Variants in UPK3A observed in about 807,000 individuals in gnomAD.
The protein encoded by UPK3A is uroplakin-3a.
Under a neutral mutation model 27.6 loss-of-function variants are expected in UPK3A, and 32 were observed. The ratio of observed to expected loss-of-function variants is 1.16; its 90% CI spans 0.87 to 1.55. The LOEUF (loss-of-function observed/expected upper bound fraction) is 1.55, where lower values mean the gene tolerates loss of function less well. UPK3A is among the 40% of genes most tolerant of loss of function. The pLI is 0.00. For synonymous variants in UPK3A, 171 were observed against 163.9 expected, an observed-to-expected ratio of 1.04 and a Z score of -0.33; for missense variants, 370 against 367.9, an observed-to-expected ratio of 1.01 and a Z score of -0.05.
chr22:45,290,266 C>T (rs868128135), intron 4 of UPK3A, among the ~76,000 whole-genome samples: 51 of 152,280 alleles, frequency 3.3e-4, no homozygotes, highest in South Asian at 1.5e-3. Flanking sequence ...GACCTCCTCC[C>T]GCCACACCTT....
At chr22:45,293,975 G>A (rs1404974512) in intron 5 of UPK3A, among the ~76,000 whole-genome samples, 1 of 152,160 alleles carries the variant, frequency 6.6e-6, no homozygotes, top group Non-Finnish European at 1.5e-5. Context: ...TAGCAGGGCT[G>A]TGGGTGGGAA....
At chr22:45,286,500 G>T (rs550448467) in intron 2 of UPK3A, among the ~76,000 whole-genome samples, 18 of 152,222 alleles carry the variant, frequency 1.2e-4, no homozygotes, top group African/African-American at 3.6e-4. Context: ...TCGAAAGGTG[G>T]CTCAAGATTG....
intron 5 of UPK3A, among the ~76,000 whole-genome samples, chr22:45,295,189 C>T (rs1019069194): frequency 1.3e-5 from 2 of 151,986 alleles, no homozygotes; most frequent in Admixed American, 6.6e-5. Context: ...TTTAGGGCCA[C>T]GTGAGCTGCC....
In UPK3A at chr22:45,284,951, G is replaced by A. The variant is rs1601845870; in HGVS notation, c.-63G>A. The A allele has an allele frequency of 1.4e-6, 2 of 1,465,308 alleles. No homozygotes were observed. Among genetic ancestry groups the A allele is most frequent in the South Asian group, 1.2e-5 (1 of 81,436 alleles). The allele number at this position is 1,465,308 out of a possible 1,614,324, so 90.8% of individuals were successfully genotyped here. The stretch of plus-strand genomic sequence containing the variant: ...CTGGCAGGTGCCCTGGCAGGGACAG[G>A]TCTGGTGCCCGCGCCTGCTCGCTGG... On this transcript the variant is annotated 5_prime_UTR_variant, in exon 1 of 6. Coordinates refer to ENST00000216211, the MANE Select transcript of UPK3A (RefSeq NM_006953.4).
intron 3 of UPK3A, among the ~76,000 whole-genome samples, chr22:45,287,845 G>A (rs908836173): frequency 6.6e-6 from 1 of 151,880 alleles, no homozygotes; most frequent in African/African-American, 2.4e-5. Context: ...TGTGTTTTTA[G>A]TACAGATGGG....
chr22:45,287,425 A>G lies in UPK3A; in HGVS notation c.462A>G (p.Ala154=), dbSNP rs559806046. 1 of 1,601,182 alleles carries G rather than the reference A, an allele frequency of 6.2e-7. No individual in the cohort carries two copies. Residue 154 remains alanine, a synonymous_variant, in exon 3 of 6, where the codon GCA becomes GCG. Transcript: ENST00000216211. ...WDPNFQGLCN[A]PLSAATEYRF... is the part of the protein sequence containing the mutation. ...CCAACTTCCAGGGCCTCTGTAACGC[A>G]CCCCTGTCGGCAGCCACGGAGTACA... is the stretch of plus-strand genomic sequence containing the variant.
chr22:45,288,952 C>T, intron 3 of UPK3A, 109 bp from the exon 4 acceptor site: 1 of 1,003,766 alleles, frequency 1.0e-6, no homozygotes, highest in Non-Finnish European at 1.5e-6. Context: ...CCTGGAAGGG[C>T]CCCCGCTGCC....
intron 1 of UPK3A, 70 bp from the exon 2 acceptor site, chr22:45,285,871 G>A (rs1182371766): frequency 1.9e-6 from 3 of 1,607,222 alleles, no homozygotes; most frequent in Non-Finnish European, 2.5e-6. Context: ...CACGTGCTCA[G>A]TAACTGCAAG....
chr22:45,292,532 C>T (rs2084168914), intron 4 of UPK3A, among the ~76,000 whole-genome samples: 1 of 152,192 alleles, frequency 6.6e-6, no homozygotes, highest in African/African-American at 2.4e-5. Context: ...GACCAGGGCC[C>T]TTTGCCTCAT....
Position 45,295,545 on chromosome 22 carries a change from C to T in UPK3A, c.705-15C>T. The T allele has an allele frequency of 6.2e-7, 1 of 1,614,048 alleles. No individual in the cohort carries two copies. Among genetic ancestry groups the T allele is most frequent in the African/African-American group, 1.3e-5 (1 of 75,020 alleles). Reference sequence around the variant, plus strand: ...CTGGTCCCCTAATCCTGGGTCTTTCCATCCCCTTGGACAGGGACATGGGGA... The same window carrying T: ...CTGGTCCCCTAATCCTGGGTCTTTCTATCCCCTTGGACAGGGACATGGGGA... On this transcript the variant is annotated splice_polypyrimidine_tract_variant and intron_variant, in intron 5 of 5. Transcript: ENST00000216211.
intron 5 of UPK3A, among the ~76,000 whole-genome samples, 153 bp from the exon 6 acceptor site, chr22:45,295,407 G>A (rs1216321405): frequency 6.6e-6 from 1 of 152,050 alleles, no homozygotes; most frequent in Non-Finnish European, 1.5e-5. Flanking sequence ...CTGGCACAGG[G>A]TCAGTGCTCC....
At position 45,295,781 on chromosome 22, in the gene UPK3A, G is replaced by A. The variant is rs565692582; in HGVS notation, c.*62G>A. 1.8e-5 allele frequency: 28 copies of A among 1,598,754 alleles called. No homozygotes were observed. Among genetic ancestry groups the A allele is most frequent in the Admixed American group, 1.0e-4 (6 of 59,642 alleles). ...CTGGCCTTGCCCCAGGCCCTGCAGC[G>A]GTGGTTGTCACACCCTGACTTCAGG... On this transcript the variant is annotated 3_prime_UTR_variant, in exon 6 of 6. Transcript: ENST00000216211.
chr22:45,285,898 A>C (rs1013509203), intron 1 of UPK3A, 43 bp from the exon 2 acceptor site: 28 of 1,612,408 alleles, frequency 1.7e-5, no homozygotes, highest in Middle Eastern at 2.0e-4. Context: ...GGGTGTGGAC[A>C]GTTCTGCCGG....
Position 45,285,954 on chromosome 22 carries a change from G to A in UPK3A, c.66G>A (p.Gln22=), listed in dbSNP as rs1221684055. The part of the protein sequence containing the change: ...CLRFGSAVNL[Q]PQLASVTFAT... ...TGCCTCCTCCAGCTGTGAACCTGCA[G>A]CCCCAACTGGCCAGTGTGACTTTCG... The change falls in exon 2 of 6, where the codon CAG becomes CAA. Residue 22 remains glutamine (Q), a synonymous_variant. Coordinates refer to ENST00000216211, the MANE Select transcript of UPK3A (RefSeq NM_006953.4). The A allele has an allele frequency of 1.2e-6, 2 of 1,613,942 alleles. No individual in the cohort carries two copies. The highest frequency in any genetic ancestry group is 4.5e-5 in the East Asian group (2 of 44,890).
chr22:45,295,296 T>C (rs971127006), intron 5 of UPK3A, among the ~76,000 whole-genome samples: 17 of 152,120 alleles, frequency 1.1e-4, no homozygotes, highest in Non-Finnish European at 1.9e-4. Flanking sequence ...CTTAGCTCTT[T>C]GGGAACATGG....
chr22:45,287,561 A>G, intron 3 of UPK3A, 110 bp downstream of exon 3: 1 of 1,395,028 alleles, frequency 7.2e-7, no homozygotes, highest in Non-Finnish European at 9.8e-7. Context: ...TTATATGCTG[A>G]GAACATCCCA....
chr22:45,291,835 G>C (rs895943464), intron 4 of UPK3A, among the ~76,000 whole-genome samples: 5 of 150,552 alleles, frequency 3.3e-5, no homozygotes, highest in African/African-American at 4.9e-5. Context: ...TGTGGTGTCT[G>C]AGTGTGACTG....
intron 5 of UPK3A, among the ~76,000 whole-genome samples, chr22:45,295,358 A>G (rs533809655): frequency 6.6e-6 from 1 of 152,112 alleles, no homozygotes; most frequent in African/African-American, 2.4e-5. Context: ...AGTTGTTCAC[A>G]TCATTCCAAA....
chr22:45,286,613 C>G (rs1400412822), intron 2 of UPK3A, among the ~76,000 whole-genome samples: 1 of 152,208 alleles, frequency 6.6e-6, no homozygotes, highest in Non-Finnish European at 1.5e-5. Context: ...CCAACATCAA[C>G]TCTTGCATTT....
Sources: gnomAD v4.1 joint callset for allele counts (sites outside exome capture counted in the v4.1 genomes callset) on GRCh38, gnomAD v4.1.1 for gene constraint, MANE v1.5 for transcripts, NCBI Gene and HGNC (gene_info 2026-07-23, HGNC 2026-07-21) for gene names.